The following ADAM22 variants were observed in gnomAD, a reference collection of about 807,000 sequenced individuals.
ADAM22 encodes the protein disintegrin and metalloproteinase domain-containing protein 22.
In ADAM22, 65 loss-of-function variants were observed where a neutral mutation model predicts 144.6. That is an observed-to-expected ratio of 0.45 (90% confidence interval 0.37 to 0.55). The LOEUF (loss-of-function observed/expected upper bound fraction) is 0.55, where lower values mean the gene tolerates loss of function less well. ADAM22 is among the 20% of genes least tolerant of loss of function. ADAM22 has a pLI of 0.00. For synonymous variants in ADAM22, 391 were observed against 412.6 expected (o/e 0.95, Z 0.63); for missense variants, 974 against 1,184.9 (o/e 0.82, Z 2.61).
intron 3 of ADAM22, among the ~76,000 whole-genome samples, chr7:88,020,864 C>T (rs1797679304): frequency 6.6e-6 from 1 of 152,040 alleles, no homozygotes; most frequent in Non-Finnish European, 1.5e-5. Flanking sequence ...AATGCAGAAA[C>T]CTGGCTTTTA....
intron 30 of ADAM22, among the ~76,000 whole-genome samples, chr7:88,192,542 C>G (rs867695029): frequency 6.6e-6 from 1 of 152,122 alleles, no homozygotes; most frequent in Non-Finnish European, 1.5e-5. Context: ...CTCTGCACTC[C>G]TTACTGCTTG....
At chr7:87,954,049 A>G (rs996292522) in intron 2 of ADAM22, among the ~76,000 whole-genome samples, 1 of 151,826 alleles carries the variant, frequency 6.6e-6, no homozygotes, top group African/African-American at 2.4e-5. Context: ...TGCCCGTGAG[A>G]TGGGTTTCCT....
At chr7:88,039,464 A>AAAAAAAAAAAATATATATATATATATAT in intron 3 of ADAM22, among the ~76,000 whole-genome samples, 1 of 76,376 alleles carries the variant, frequency 1.3e-5, no homozygotes, top group African/African-American at 4.7e-5. Context: ...AAAAAAAAAA[A>AAAAAAAAAAAATATATATATATATATAT]ATATATATAT....
chr7:87,995,326 A>G (rs1790899636), intron 3 of ADAM22, among the ~76,000 whole-genome samples: 2 of 152,182 alleles, frequency 1.3e-5, no homozygotes, highest in South Asian at 4.1e-4. Flanking sequence ...AACACAGGCC[A>G]TAAATTAGCC....
chr7:88,101,364 C>G (rs1212729701), intron 4 of ADAM22, among the ~76,000 whole-genome samples: 1 of 152,090 alleles, frequency 6.6e-6, no homozygotes, highest in Non-Finnish European at 1.5e-5. Context: ...ATTCAGTGAA[C>G]AGAGCAGGAG....
rs149667679 is a variant in ADAM22 at position 88,002,200 on chromosome 7, T to C, written c.323+23788T>C. On this transcript the variant is annotated intron_variant, in intron 3 of 31. Coordinates refer to ENST00000413139, the MANE Select transcript of ADAM22 (RefSeq NM_001324418.2). The stretch of plus-strand genomic sequence containing the variant: ...TGGTTTTTGGTCTCTAGGACTCTGT[T>C]GCTCTCTATCTTTAGTTTCTAGCTC... 3.3e-3 allele frequency among the ~76,000 whole-genome samples: 500 copies of C among 152,316 alleles called. 4 individuals are homozygous for C. Among genetic ancestry groups the C allele is most frequent in the African/African-American group, 0.011 (467 of 41,570 alleles).
intron 4 of ADAM22, among the ~76,000 whole-genome samples, chr7:88,099,992 T>G (rs1822475731): frequency 6.6e-6 from 1 of 152,056 alleles, no homozygotes; most frequent in African/African-American, 2.4e-5. Flanking sequence ...AAGAAAAAAT[T>G]AAAGGAAAAA....
At chr7:88,191,420 A>G (rs1849602379) in intron 30 of ADAM22, among the ~76,000 whole-genome samples, 1 of 152,200 alleles carries the variant, frequency 6.6e-6, no homozygotes, top group Non-Finnish European at 1.5e-5. Context: ...AGATTTAATT[A>G]TTTGTTTGTG....
At chr7:88,192,979 C>T (rs1849938307) in intron 30 of ADAM22, 137 bp from the exon 31 acceptor site, 1 of 980,590 alleles carries the variant, frequency 1.0e-6, no homozygotes, top group African/African-American at 1.6e-5. Flanking sequence ...GACAGAATAT[C>T]TTCCCAGTAG....
chr7:87,975,622 A>G (rs571547680), intron 2 of ADAM22, among the ~76,000 whole-genome samples: 1 of 152,244 alleles, frequency 6.6e-6, no homozygotes, highest in Non-Finnish European at 1.5e-5. Context: ...ATAAAATAAG[A>G]TACCAGATGT....
chr7:88,197,200 C>A lies in ADAM22; in HGVS notation c.*709C>A, dbSNP rs1850776566. 1 of 152,350 alleles carries A rather than the reference C, an allele frequency of 6.6e-6. No homozygotes were observed. Among genetic ancestry groups the A allele is most frequent in the Non-Finnish European group, 1.5e-5 (1 of 68,156 alleles). The allele number at this position is 152,350 out of a possible 1,614,324, so 9.4% of individuals were successfully genotyped here. A position where few individuals can be genotyped will look rare whatever the true frequency, so the allele number is the denominator to read the frequency against. On this transcript the variant is annotated 3_prime_UTR_variant, in exon 32 of 32. Transcript: ENST00000413139. ...CCTAAAAATTCCGTCACAATCACAT[C>A]ATCGTCATCCATCCAGTGATCTTCA...
intron 4 of ADAM22, among the ~76,000 whole-genome samples, chr7:88,085,648 A>T (rs1056319559): frequency 6.6e-6 from 1 of 152,198 alleles, no homozygotes; most frequent in African/African-American, 2.4e-5. Flanking sequence ...TTCACATAAA[A>T]CATGTATGGG....
chr7:88,169,199 GT>G (rs1843650948), intron 25 of ADAM22, among the ~76,000 whole-genome samples: 1 of 152,058 alleles, frequency 6.6e-6, no homozygotes, highest in Non-Finnish European at 1.5e-5. Context: ...AGAGCAGTTA[GT>G]TTACTGGCAG....
At chr7:88,114,528 C>A in intron 5 of ADAM22, 56 bp from the exon 6 acceptor site, 2 of 1,546,636 alleles carry the variant, frequency 1.3e-6, no homozygotes, top group South Asian at 1.1e-5. Context: ...TTAAAATGAT[C>A]TTGTTCTGGG....
intron 4 of ADAM22, among the ~76,000 whole-genome samples, chr7:88,077,422 C>T (rs1198833836): frequency 6.6e-6 from 1 of 152,168 alleles, no homozygotes; most frequent in Non-Finnish European, 1.5e-5. Flanking sequence ...GTGAGCGATG[C>T]AGAAGACGGG....
At chr7:87,976,477 G>T (rs1851921990) in intron 2 of ADAM22, among the ~76,000 whole-genome samples, 1 of 152,174 alleles carries the variant, frequency 6.6e-6, no homozygotes, top group Non-Finnish European at 1.5e-5. Flanking sequence ...CAGGCCTCAG[G>T]AGAAACCAAA....
At chr7:88,045,887 A>G (rs937286571) in intron 3 of ADAM22, among the ~76,000 whole-genome samples, 2 of 68,270 alleles carry the variant, frequency 2.9e-5, no homozygotes, top group African/African-American at 1.1e-4. Context: ...GTCGTATTCT[A>G]TTGTGTGTGT....
chr7:88,094,425 G>C (rs1416750154), intron 4 of ADAM22, among the ~76,000 whole-genome samples: 1 of 152,162 alleles, frequency 6.6e-6, no homozygotes, highest in Non-Finnish European at 1.5e-5. Flanking sequence ...TGTGTGAAAG[G>C]GGCAGAAAGA....
intron 3 of ADAM22, among the ~76,000 whole-genome samples, chr7:88,056,874 C>T (rs1212994931): frequency 2.6e-5 from 4 of 152,130 alleles, no homozygotes; most frequent in African/African-American, 9.7e-5. Context: ...GTTAGGTCAT[C>T]GTGTCAAGGT....
Sources: gnomAD v4.1 joint callset for allele counts (sites outside exome capture counted in the v4.1 genomes callset) on GRCh38, gnomAD v4.1.1 for gene constraint, MANE v1.5 for transcripts, NCBI Gene and HGNC (gene_info 2026-07-23, HGNC 2026-07-21) for gene names.